Variants in HSPA12A observed in about 807,000 individuals in gnomAD.
HSPA12A encodes the protein heat shock protein family A (Hsp70) member 12A.
In HSPA12A, 28 loss-of-function variants were observed where a neutral mutation model predicts 69.2. That is an observed-to-expected ratio of 0.40 (90% CI 0.30 to 0.55). The LOEUF (loss-of-function observed/expected upper bound fraction) is 0.55, where lower values mean the gene tolerates loss of function less well. HSPA12A is among the 20% of genes least tolerant of loss of function. The probability of loss-of-function intolerance (pLI) is 0.38; values close to 1 mark genes in which losing one functional copy is unlikely to be tolerated. For missense variants in HSPA12A, 686 were observed against 900.7 expected, an observed-to-expected ratio of 0.76 and a Z score of 3.05; for synonymous variants, 345 against 370.5, an observed-to-expected ratio of 0.93 and a Z score of 0.79.
intron 2 of HSPA12A, among the ~76,000 whole-genome samples, chr10:116,800,904 C>T (rs564599506): frequency 3.3e-5 from 5 of 152,184 alleles, no homozygotes; most frequent in East Asian, 1.9e-4. Flanking sequence ...GAACTGCAGC[C>T]GGGGGTGCTG....
chr10:116,793,993 T>C (rs574112532), intron 2 of HSPA12A, among the ~76,000 whole-genome samples: 2 of 152,122 alleles, frequency 1.3e-5, no homozygotes, highest in Admixed American at 1.3e-4. Flanking sequence ...GGTCAGGAGA[T>C]CAAGATCATC....
intron 2 of HSPA12A, among the ~76,000 whole-genome samples, chr10:116,819,151 C>T (rs998193897): frequency 6.6e-6 from 1 of 152,180 alleles, no homozygotes; most frequent in Admixed American, 6.5e-5. Context: ...TTCACTGGTC[C>T]CAAAATCACC....
chr10:116,848,230 A>G (rs1021639513), intron 1 of HSPA12A, among the ~76,000 whole-genome samples: 4 of 152,230 alleles, frequency 2.6e-5, no homozygotes, highest in Admixed American at 1.3e-4. Context: ...CCATCTAGCA[A>G]GGAGAGAAGG....
intron 2 of HSPA12A, among the ~76,000 whole-genome samples, chr10:116,800,656 T>C (rs1554893881): frequency 6.6e-6 from 1 of 152,154 alleles, no homozygotes; most frequent in Non-Finnish European, 1.5e-5. Context: ...CCGCGATGGA[T>C]TCTTGGCTGG....
chr10:116,808,538 G>A (rs1845113138), intron 2 of HSPA12A, among the ~76,000 whole-genome samples: 1 of 152,134 alleles, frequency 6.6e-6, no homozygotes, highest in Non-Finnish European at 1.5e-5. Context: ...GAGGCCCTAA[G>A]GAGTCCTGTA....
intron 2 of HSPA12A, among the ~76,000 whole-genome samples, chr10:116,786,467 T>C (rs1749740400): frequency 6.6e-6 from 1 of 152,192 alleles, no homozygotes; most frequent in Non-Finnish European, 1.5e-5. Context: ...CTAGTGCTTT[T>C]GTCAGAATCT....
chr10:116,690,184 G>A (rs1487890995), intron 6 of HSPA12A, among the ~76,000 whole-genome samples: 1 of 152,188 alleles, frequency 6.6e-6, no homozygotes, highest in Non-Finnish European at 1.5e-5. Flanking sequence ...CCAGAAGACA[G>A]GCTAAAGAGA....
chr10:116,780,212 G>A (rs782163097), intron 2 of HSPA12A, among the ~76,000 whole-genome samples: 4 of 152,162 alleles, frequency 2.6e-5, no homozygotes, highest in African/African-American at 4.8e-5. Context: ...ACAAGAGTTG[G>A]TGTGTCTTCC....
intron 4 of HSPA12A, among the ~76,000 whole-genome samples, chr10:116,699,550 C>T (rs1850020041): frequency 6.6e-6 from 1 of 152,140 alleles, no homozygotes; most frequent in Non-Finnish European, 1.5e-5. Context: ...TATGCTTTGC[C>T]TTGGGAGTGA....
intron 2 of HSPA12A, among the ~76,000 whole-genome samples, chr10:116,779,997 A>C (rs1205789142): frequency 6.6e-6 from 1 of 152,174 alleles, no homozygotes; most frequent in African/African-American, 2.4e-5. Context: ...GCAGGCACCC[A>C]GGCCAGCCAC....
intron 2 of HSPA12A, among the ~76,000 whole-genome samples, chr10:116,762,981 C>CA (rs1554889420): frequency 1.3e-5 from 2 of 152,162 alleles, no homozygotes; most frequent in African/African-American, 4.8e-5. Flanking sequence ...TCTTTTCCTC[C>CA]TCTAAGGCAG....
At chr10:116,695,588 G>A (rs71500866) in intron 5 of HSPA12A, among the ~76,000 whole-genome samples, 78,798 of 150,858 alleles carry the variant, frequency 0.52, 20,864 homozygotes, top group Middle Eastern at 0.63. Flanking sequence ...AGGCCGAGGC[G>A]GGCGGATCAT....
At chr10:116,725,902 C>T (rs911134245) in intron 1 of HSPA12A, among the ~76,000 whole-genome samples, 11 of 152,112 alleles carry the variant, frequency 7.2e-5, no homozygotes, top group Admixed American at 5.9e-4. Context: ...AGCATGCTTG[C>T]GTGCTATCTT....
chr10:116,788,190 C>T (rs1443646860), intron 2 of HSPA12A, among the ~76,000 whole-genome samples: 1 of 152,176 alleles, frequency 6.6e-6, no homozygotes. Context: ...AATTCTAGAC[C>T]CCCGCAAACG....
chr10:116,792,375 T>G (rs935539230), intron 2 of HSPA12A, among the ~76,000 whole-genome samples: 1 of 151,262 alleles, frequency 6.6e-6, no homozygotes, highest in Admixed American at 6.6e-5. Flanking sequence ...TGAAAGTAGA[T>G]GAAGCAGAGG....
At chr10:116,682,304 G>T (rs1426588172) in intron 7 of HSPA12A, among the ~76,000 whole-genome samples, 4 of 152,158 alleles carry the variant, frequency 2.6e-5, no homozygotes, top group Non-Finnish European at 4.4e-5. Context: ...TAATGAAATC[G>T]CCTAGTTTCC....
At chr10:116,696,269 G>A (rs180789510) in intron 5 of HSPA12A, among the ~76,000 whole-genome samples, 229 of 152,238 alleles carry the variant, frequency 1.5e-3, no homozygotes, top group African/African-American at 5.2e-3. Context: ...ACTTGATATG[G>A]TGTGGCTGTA....
At chr10:116,682,639 T>C (rs536215847) in intron 7 of HSPA12A, among the ~76,000 whole-genome samples, 2 of 152,246 alleles carry the variant, frequency 1.3e-5, no homozygotes, top group Admixed American at 6.5e-5. Context: ...AGGGCACAAA[T>C]CATTGTCCCT....
intron 2 of HSPA12A, among the ~76,000 whole-genome samples, chr10:116,766,916 T>A (rs1844091008): frequency 3.9e-5 from 6 of 152,134 alleles, no homozygotes; most frequent in Admixed American, 3.9e-4. Context: ...TGGGTTTGCG[T>A]CCACCAGTCG....
Sources: gnomAD v4.1 joint callset for allele counts (sites outside exome capture counted in the v4.1 genomes callset) on GRCh38, gnomAD v4.1.1 for gene constraint, MANE v1.5 for transcripts, NCBI Gene and HGNC (gene_info 2026-07-23, HGNC 2026-07-21) for gene names.